APP: variants seen among roughly 807,000 people sequenced by gnomAD.
The protein encoded by APP is amyloid-beta precursor protein.
Under a neutral mutation model 101.4 loss-of-function variants are expected in APP, and 31 were observed. The observed-to-expected ratio is 0.31, with a 90% CI of 0.23 to 0.41. APP has a LOEUF of 0.41. APP is among the 10% of genes least tolerant of loss of function. APP has a pLI of 1.00. For synonymous variants in APP, 366 were observed against 364.4 expected (o/e 1.00, Z -0.05); for missense variants, 839 against 1,003.7 (o/e 0.84, Z 2.22).
intron 13 of APP, among the ~76,000 whole-genome samples, chr21:25,926,580 CA>C (rs2146374952): frequency 6.6e-6 from 1 of 152,246 alleles, no homozygotes; most frequent in Admixed American, 6.5e-5. Flanking sequence ...GACAGTTGAA[CA>C]AACTGACATC....
At chr21:26,154,214 C>A (rs1404988545) in intron 1 of APP, among the ~76,000 whole-genome samples, 18 of 152,156 alleles carry the variant, frequency 1.2e-4, no homozygotes, top group Admixed American at 1.2e-3. Context: ...AATCTTAATA[C>A]CTGTGTTTCC....
At chr21:26,011,398 G>A (rs1457275508) in intron 6 of APP, among the ~76,000 whole-genome samples, 1 of 151,988 alleles carries the variant, frequency 6.6e-6, no homozygotes, top group Non-Finnish European at 1.5e-5. Context: ...ATCTAAAGCT[G>A]CTCATCACTG....
At chr21:26,159,412 A>G (rs1189829508) in intron 1 of APP, among the ~76,000 whole-genome samples, 4 of 152,180 alleles carry the variant, frequency 2.6e-5, no homozygotes, top group Non-Finnish European at 2.9e-5. Flanking sequence ...TCTAACTCCA[A>G]ATAAATGTCA....
intron 1 of APP, among the ~76,000 whole-genome samples, chr21:26,157,221 C>T (rs1337747885): frequency 6.6e-6 from 1 of 152,110 alleles, no homozygotes; most frequent in African/African-American, 2.4e-5. Context: ...AGGCATGCAC[C>T]ACCACGCTCG....
chr21:25,903,591 G>A (rs1015260243), intron 15 of APP, among the ~76,000 whole-genome samples: 1 of 152,008 alleles, frequency 6.6e-6, no homozygotes, highest in African/African-American at 2.4e-5. Flanking sequence ...CATGAAAAAA[G>A]TCCCAAGGCA....
intron 13 of APP, among the ~76,000 whole-genome samples, chr21:25,931,188 G>A (rs551848291): frequency 5.3e-5 from 8 of 152,260 alleles, no homozygotes; most frequent in African/African-American, 1.2e-4. Context: ...TAGGGATACC[G>A]ACAGAATGAC....
chr21:26,140,224 A>G (rs1489658935), intron 1 of APP: 6 of 1,535,994 alleles, frequency 3.9e-6, no homozygotes, highest in Non-Finnish European at 4.4e-6. Flanking sequence ...GGCTCCAATC[A>G]TTGTCAATTA....
intron 1 of APP, among the ~76,000 whole-genome samples, chr21:26,162,690 A>C (rs1049572329): frequency 1.3e-5 from 2 of 151,318 alleles, no homozygotes; most frequent in Admixed American, 6.6e-5. Context: ...CAAGAGTAAT[A>C]ATGCATTTCT....
intron 16 of APP, among the ~76,000 whole-genome samples, chr21:25,892,949 T>TAA (rs768171775): frequency 0.015 from 1,404 of 90,776 alleles, 27 homozygotes; most frequent in African/African-American, 0.043. Flanking sequence ...AGATAGTATT[T>TAA]AAAAAAAAAA....
chr21:25,912,454 C>A (rs564578897), intron 13 of APP, among the ~76,000 whole-genome samples: 2 of 152,180 alleles, frequency 1.3e-5, no homozygotes, highest in Non-Finnish European at 2.9e-5. Context: ...ATTAAAGGGC[C>A]AGTAGTTTGC....
Position 25,890,467 on chromosome 21 carries a change from G to A in APP, c.2211+1255C>T, listed in dbSNP as rs539699028. On this transcript the variant is annotated intron_variant, in intron 17 of 17. Coordinates refer to ENST00000346798, the MANE Select transcript of APP (RefSeq NM_000484.4). ...ATGGAAAAAGCAATGGGGGCCAGAC[G>A]CGGTGGCTCACGCCTGTAATCCCAG... Among the ~76,000 whole-genome samples the A allele has an allele frequency of 2.2e-4, 33 of 152,262 alleles. No homozygotes were observed. In the South Asian group the frequency reaches 5.6e-3, roughly 26 times the overall value.
At chr21:26,085,113 AT>A (rs2061677525) in intron 3 of APP, among the ~76,000 whole-genome samples, 1 of 152,174 alleles carries the variant, frequency 6.6e-6, no homozygotes, top group African/African-American at 2.4e-5. Context: ...CACTGATAAG[AT>A]TTCTTTTCCG....
chr21:26,136,169 A>AAAAGAAAGAAAG lies in APP; in HGVS notation c.58-24035_58-24024dup, dbSNP rs138676290. Among the ~76,000 whole-genome samples, 30 of 92,016 alleles carry AAAAGAAAGAAAG rather than the reference A, an allele frequency of 3.3e-4. 3 individuals carry two copies. The highest frequency in any genetic ancestry group is 9.7e-4 in the African/African-American group (18 of 18,602). 60.4% of individuals were successfully genotyped at this position (92,016 alleles called of 152,430 possible). The stretch of plus-strand genomic sequence containing the variant: ...GAAAAGAAAAGAAAAGAAAAGAAAG[A>AAAAGAAAGAAAG]AAAGAAAGAAAGAAAGAAAGAAAGA... On this transcript the variant is annotated intron_variant, in intron 1 of 17. Coordinates refer to ENST00000346798, the MANE Select transcript of APP (RefSeq NM_000484.4).
At chr21:26,078,823 C>A (rs899230089) in intron 3 of APP, among the ~76,000 whole-genome samples, 5 of 152,250 alleles carry the variant, frequency 3.3e-5, no homozygotes, top group Admixed American at 6.5e-5. Context: ...AGGCGCGGAT[C>A]ACCTGAGGTC....
chr21:25,915,165 C>T (rs2039291607), intron 13 of APP, among the ~76,000 whole-genome samples: 1 of 152,226 alleles, frequency 6.6e-6, no homozygotes, highest in Non-Finnish European at 1.5e-5. Flanking sequence ...CTACACCACA[C>T]CTCTCTCTCA....
At chr21:25,996,915 A>G (rs569265059) in intron 8 of APP, among the ~76,000 whole-genome samples, 5 of 152,332 alleles carry the variant, frequency 3.3e-5, no homozygotes, top group Admixed American at 2.6e-4. Flanking sequence ...TTGAGGCAGG[A>G]GCCTGGACCA....
intron 6 of APP, among the ~76,000 whole-genome samples, chr21:26,021,195 G>A (rs1484262691): frequency 2.6e-5 from 4 of 151,896 alleles, no homozygotes; most frequent in African/African-American, 7.3e-5. Flanking sequence ...TTACAGGTGC[G>A]TGCCACCACG....
chr21:25,917,080 G>A (rs969102657), intron 13 of APP, among the ~76,000 whole-genome samples: 45 of 152,086 alleles, frequency 3.0e-4, no homozygotes, highest in African/African-American at 9.7e-4. Flanking sequence ...GGCTAACTTG[G>A]TGAAACCCCG....
chr21:26,014,760 T>C (rs1285605519), intron 6 of APP, among the ~76,000 whole-genome samples: 1 of 152,200 alleles, frequency 6.6e-6, no homozygotes, highest in Non-Finnish European at 1.5e-5. Flanking sequence ...CCCAGATTAA[T>C]TGTCACCAGA....
Sources: allele counts gnomAD v4.1 joint callset (sites outside exome capture counted in the v4.1 genomes callset), GRCh38; gene constraint gnomAD v4.1.1; transcripts MANE v1.5; gene names NCBI Gene and HGNC (gene_info 2026-07-23, HGNC 2026-07-21).